CPA6: variants seen among roughly 807,000 people sequenced by gnomAD.
The protein encoded by CPA6 is carboxypeptidase A6.
Under a neutral mutation model 63.3 loss-of-function variants are expected in CPA6, and 58 were observed. The observed-to-expected ratio is 0.92, with a 90% CI of 0.74 to 1.14. The LOEUF (loss-of-function observed/expected upper bound fraction) is 1.14, where lower values mean the gene tolerates loss of function less well. CPA6 is among the 50% of genes most tolerant of loss of function. The pLI, the probability that CPA6 is intolerant of heterozygous loss-of-function variation, is 0.00. For synonymous variants in CPA6, 185 were observed against 179.0 expected (o/e 1.03, Z -0.27); for missense variants, 565 against 526.6 (o/e 1.07, Z -0.71).
At chr8:67,583,773 A>G (rs1179813891) in intron 2 of CPA6, among the ~76,000 whole-genome samples, 1 of 152,158 alleles carries the variant, frequency 6.6e-6, no homozygotes, top group African/African-American at 2.4e-5. Flanking sequence ...CATAGTAATT[A>G]GAGTTGTGAA....
chr8:67,562,571 C>T (rs1813238797), intron 2 of CPA6, among the ~76,000 whole-genome samples: 1 of 152,190 alleles, frequency 6.6e-6, no homozygotes, highest in Admixed American at 6.5e-5. Flanking sequence ...TATGTTGAAT[C>T]CTAACCCCCA....
chr8:67,422,245 T>C lies in CPA6; in HGVS notation c.*259A>G. 2 of 324,606 alleles carry C rather than the reference T, an allele frequency of 6.2e-6. No homozygotes were observed. Among genetic ancestry groups the C allele is most frequent in the Admixed American group, 9.0e-5 (2 of 22,172 alleles). The allele number at this position is 324,606 out of a possible 1,614,324, so 20.1% of individuals were successfully genotyped here. On this transcript the variant is annotated 3_prime_UTR_variant, in exon 11 of 11. Coordinates refer to ENST00000297770, the MANE Select transcript of CPA6 (RefSeq NM_020361.5). ...AACATTTCTTGAGAAATGGGAAATTTGAAAACATTCCCTCCCACCATAATC... is the reference window on the plus strand; with the variant it reads ...AACATTTCTTGAGAAATGGGAAATTCGAAAACATTCCCTCCCACCATAATC...
intron 2 of CPA6, among the ~76,000 whole-genome samples, chr8:67,574,793 A>G (rs972610572): frequency 5.9e-5 from 9 of 152,148 alleles, no homozygotes; most frequent in Non-Finnish European, 1.3e-4. Flanking sequence ...AAAAAAACAT[A>G]GGGGAAAAAA....
chr8:67,697,801 CTTACT>C (rs758578024), intron 1 of CPA6, among the ~76,000 whole-genome samples: 3 of 151,272 alleles, frequency 2.0e-5, no homozygotes, highest in Non-Finnish European at 2.9e-5. Context: ...ATTTCCTTCC[CTTACT>C]TTATTTCTAT....
intron 1 of CPA6, among the ~76,000 whole-genome samples, chr8:67,673,476 C>A (rs1238233378): frequency 6.6e-6 from 1 of 150,710 alleles, no homozygotes; most frequent in Admixed American, 6.6e-5. Context: ...CTCCGCCTCC[C>A]GGGTTCATGC....
Position 67,518,054 on chromosome 8 carries a change from T to C in CPA6, c.193-7A>G, listed in dbSNP as rs772976345. 2 of 1,577,862 alleles carry C rather than the reference T, an allele frequency of 1.3e-6. No homozygotes were observed. Among genetic ancestry groups the C allele is most frequent in the South Asian group, 1.2e-5 (1 of 84,444 alleles). On this transcript the variant is annotated splice_region_variant and splice_polypyrimidine_tract_variant and intron_variant, in intron 2 of 10. Transcript: ENST00000297770. Reference sequence around the variant, plus strand: ...TGGGCTGCCACAGGTCCACCTGTAGTGCAGGAACCAACCTATAATTCATAT... The same window carrying C: ...TGGGCTGCCACAGGTCCACCTGTAGCGCAGGAACCAACCTATAATTCATAT...
chr8:67,701,955 G>A (rs1391433172), intron 1 of CPA6, among the ~76,000 whole-genome samples: 1 of 151,962 alleles, frequency 6.6e-6, no homozygotes, highest in South Asian at 2.1e-4. Flanking sequence ...TCATCCCCAC[G>A]AACCCTAGGT....
At chr8:67,507,941 G>T (rs1430128689) in intron 5 of CPA6, among the ~76,000 whole-genome samples, 1 of 151,628 alleles carries the variant, frequency 6.6e-6, no homozygotes, top group East Asian at 1.9e-4. Context: ...GCTCAAAGTG[G>T]ATTCCCTGGA....
chr8:67,643,749 C>T (rs1264260392), intron 1 of CPA6, among the ~76,000 whole-genome samples: 2 of 152,058 alleles, frequency 1.3e-5, no homozygotes, highest in Non-Finnish European at 2.9e-5. Flanking sequence ...CATATATATT[C>T]ATATGTACTT....
At position 67,705,219 on chromosome 8, in the gene CPA6, G is replaced by A. The variant is rs74812208; in HGVS notation, c.116+40795C>T. Among the ~76,000 whole-genome samples the A allele has an allele frequency of 4.1e-3, 626 of 152,240 alleles. 4 individuals carry two copies. The highest frequency in any genetic ancestry group is 0.012 in the African/African-American group (515 of 41,522). Reference sequence around the variant, plus strand: ...TGCCACAAGCTTGGGTACTGGAAACGGGGCTGCCTTGAGGGCTGAAGGGTG... The same window carrying A: ...TGCCACAAGCTTGGGTACTGGAAACAGGGCTGCCTTGAGGGCTGAAGGGTG... On this transcript the variant is annotated intron_variant, in intron 1 of 10. Coordinates refer to ENST00000297770, the MANE Select transcript of CPA6 (RefSeq NM_020361.5).
chr8:67,617,080 A>C (rs1814973620), intron 2 of CPA6, among the ~76,000 whole-genome samples: 1 of 152,242 alleles, frequency 6.6e-6, no homozygotes, highest in Non-Finnish European at 1.5e-5. Flanking sequence ...AGAAATTCTT[A>C]TAATAGAAAA....
chr8:67,601,782 T>C (rs191832882), intron 2 of CPA6, among the ~76,000 whole-genome samples: 1 of 152,158 alleles, frequency 6.6e-6, no homozygotes, highest in East Asian at 1.9e-4. Context: ...CTGGTGGGAG[T>C]GTGAACTGAC....
At chr8:67,474,513 C>T (rs955513980) in intron 8 of CPA6, among the ~76,000 whole-genome samples, 5 of 151,972 alleles carry the variant, frequency 3.3e-5, no homozygotes, top group Non-Finnish European at 7.4e-5. Context: ...GAGCCACAGC[C>T]GCCGGCCGCA....
At chr8:67,427,975 TA>T in intron 10 of CPA6, 71 bp downstream of exon 10, 1 of 1,018,710 alleles carries the variant, frequency 9.8e-7, no homozygotes, top group Non-Finnish European at 1.5e-6. Flanking sequence ...TTCTCCCTTC[TA>T]AAAGGAAGTC....
intron 2 of CPA6, among the ~76,000 whole-genome samples, chr8:67,606,848 C>T (rs1002851888): frequency 1.3e-5 from 2 of 152,172 alleles, no homozygotes. Context: ...TCCTTGGAGG[C>T]AAGCAACTTT....
At chr8:67,708,941 T>C (rs897514531) in intron 1 of CPA6, among the ~76,000 whole-genome samples, 1 of 152,160 alleles carries the variant, frequency 6.6e-6, no homozygotes, top group African/African-American at 2.4e-5. Flanking sequence ...AATCACTGGT[T>C]GTGGCTGGTT....
intron 8 of CPA6, among the ~76,000 whole-genome samples, chr8:67,435,165 T>C (rs927141230): frequency 2.0e-5 from 3 of 152,040 alleles, no homozygotes; most frequent in Non-Finnish European, 4.4e-5. Context: ...GAGAGCACAG[T>C]GGGCCATGGA....
chr8:67,520,224 T>G (rs1275630617), intron 2 of CPA6, among the ~76,000 whole-genome samples: 1 of 152,142 alleles, frequency 6.6e-6, no homozygotes, highest in Non-Finnish European at 1.5e-5. Context: ...ACTCTGGAGA[T>G]GAGTCTATAA....
At chr8:67,461,049 C>CTTTT (rs111558015) in intron 8 of CPA6, among the ~76,000 whole-genome samples, 2,621 of 139,200 alleles carry the variant, frequency 0.019, 82 homozygotes, top group African/African-American at 0.064. Context: ...AATTCGATTT[C>CTTTT]TTTTTTTTTT....
Sources: allele counts gnomAD v4.1 joint callset (sites outside exome capture counted in the v4.1 genomes callset), GRCh38; gene constraint gnomAD v4.1.1; transcripts MANE v1.5; gene names NCBI Gene and HGNC (gene_info 2026-07-23, HGNC 2026-07-21).